SEC24B: variants seen among roughly 807,000 people sequenced by gnomAD.
SEC24B encodes the protein protein transport protein Sec24B.
A neutral mutation model predicts 142.8 loss-of-function variants in SEC24B; 45 were observed. The ratio of observed to expected loss-of-function variants is 0.32; its 90% CI spans 0.25 to 0.40. The LOEUF (loss-of-function observed/expected upper bound fraction) is 0.40, where lower values mean the gene tolerates loss of function less well. Among genes scored for constraint, SEC24B ranks in the 10% least tolerant of loss-of-function variants. The probability of loss-of-function intolerance (pLI) is 1.00; values close to 1 mark genes in which losing one functional copy is unlikely to be tolerated. For missense variants in SEC24B, 1,409 were observed against 1,526.8 expected (o/e 0.92, Z 1.29); for synonymous variants, 574 against 568.2 (o/e 1.01, Z -0.15).
In SEC24B at chr4:109,473,053, G is replaced by C; in HGVS notation, c.927G>C (p.Lys309Asn). ...CPVMQNVQPP[K>N]SSPVVSTVLS... ...TTATGCAAAATGTTCAGCCTCCCAAGTCCAGCCCAGTGGTATCCACTGTTT... is the reference window on the plus strand; with the variant it reads ...TTATGCAAAATGTTCAGCCTCCCAACTCCAGCCCAGTGGTATCCACTGTTT... The change falls in exon 3 of 24, where the codon AAG becomes AAC. Residue 309 changes from lysine (K) to asparagine (N), a missense_variant. Around this residue, in one of 2 missense-constraint regions of SEC24B, gnomAD observed 709 missense variants for 673.5 expected, o/e 1.05. Transcript: ENST00000265175. The C allele has an allele frequency of 6.3e-7, 1 of 1,598,124 alleles. No homozygotes were observed. The highest frequency in any genetic ancestry group is 2.3e-5 in the East Asian group (1 of 43,858).
chr4:109,436,397 A>G (rs1057121945), intron 1 of SEC24B, among the ~76,000 whole-genome samples: 6 of 152,202 alleles, frequency 3.9e-5, no homozygotes, highest in African/African-American at 1.4e-4. Flanking sequence ...TCTCTATGGA[A>G]TTCCAGACAT....
chr4:109,537,151 C>G (rs183712555), intron 22 of SEC24B, among the ~76,000 whole-genome samples: 70 of 151,456 alleles, frequency 4.6e-4, no homozygotes, highest in African/African-American at 1.7e-3. Flanking sequence ...TCATATAAAA[C>G]AATATTTAAC....
chr4:109,493,700 C>T (rs1735242502), intron 5 of SEC24B, among the ~76,000 whole-genome samples: 1 of 151,288 alleles, frequency 6.6e-6, no homozygotes, highest in Non-Finnish European at 1.5e-5. Context: ...GCAATCTCGG[C>T]TCACTGCAGC....
chr4:109,530,885 GACTCCGTCTCAAAA>G (rs1244620043), intron 19 of SEC24B, among the ~76,000 whole-genome samples: 4 of 113,580 alleles, frequency 3.5e-5, no homozygotes, highest in Non-Finnish European at 6.5e-5. Context: ...AACAGAGCGA[GACTCCGTCTCAAAA>G]AAAAAAAAAA....
rs1243431378 is a variant in SEC24B at position 109,521,407 on chromosome 4, T to C, written c.2302-13T>C. On this transcript the variant is annotated splice_polypyrimidine_tract_variant and intron_variant, in intron 13 of 23. Coordinates refer to ENST00000265175, the MANE Select transcript of SEC24B (RefSeq NM_006323.5). ...CTTCTCAGTAATTCAATTTTTGATC[T>C]TTGTTTTCTCAGCTTATAAAAGACT... 1.9e-6 allele frequency: 3 copies of C among 1,605,602 alleles called. No homozygotes were observed. The East Asian group carries it at 6.7e-5, about 36-fold the overall frequency.
At chr4:109,487,049 C>T (rs1306269766) in intron 4 of SEC24B, among the ~76,000 whole-genome samples, 1 of 151,202 alleles carries the variant, frequency 6.6e-6, no homozygotes, top group Non-Finnish European at 1.5e-5. Flanking sequence ...TCTGTAATCC[C>T]AGCTGCTTTG....
At chr4:109,490,344 G>GA (rs1403679322) in intron 4 of SEC24B, among the ~76,000 whole-genome samples, 20 of 152,058 alleles carry the variant, frequency 1.3e-4, no homozygotes, top group Admixed American at 1.0e-3. Flanking sequence ...ATTATTCAAT[G>GA]AAAAATAATT....
intron 3 of SEC24B, among the ~76,000 whole-genome samples, chr4:109,474,690 G>C (rs1162210928): frequency 6.6e-6 from 1 of 152,148 alleles, no homozygotes; most frequent in African/African-American, 2.4e-5. Flanking sequence ...CTCCCAAAGT[G>C]CTGGGATTAC....
At position 109,491,379 on chromosome 4, in the gene SEC24B, T is replaced by C. The variant is rs375578115; in HGVS notation, c.1218T>C (p.Tyr406=). Residue 406 remains tyrosine, a synonymous_variant, in exon 5 of 24, where the codon TAT becomes TAC. Coordinates refer to ENST00000265175, the MANE Select transcript of SEC24B (RefSeq NM_006323.5). ...GTGCTTCTCCAATGCCCAACAGTTA[T>C]GATGCCCTGGAAGGAGGCAGTTACC... is the stretch of plus-strand genomic sequence containing the variant. ...TSSASPMPNS[Y]DALEGGSYPD... 42 of 1,613,670 alleles carry C rather than the reference T, an allele frequency of 2.6e-5. No homozygotes were observed. Among genetic ancestry groups the C allele is most frequent in the Admixed American group, 1.5e-4 (9 of 59,990 alleles).
At chr4:109,459,221 A>G (rs1209181315) in intron 1 of SEC24B, among the ~76,000 whole-genome samples, 2 of 152,210 alleles carry the variant, frequency 1.3e-5, no homozygotes, top group African/African-American at 2.4e-5. Context: ...AATAGGGGGA[A>G]AACACTGAGG....
chr4:109,473,272 A>C, intron 3 of SEC24B, 86 bp downstream of exon 3: 128 of 867,694 alleles, frequency 1.5e-4, no homozygotes, highest in Middle Eastern at 2.8e-4. Context: ...TTATAATCTC[A>C]ATCCAAACAC....
At position 109,524,813 on chromosome 4, in the gene SEC24B, C is replaced by A; in HGVS notation, c.2509-5C>A. ...TAGCTCTTACTATATGATCTGTTGA[C>A]TTAGGTGGTACAACATCTTGGCCCT... On this transcript the variant is annotated splice_region_variant and splice_polypyrimidine_tract_variant and intron_variant, in intron 14 of 23. Transcript: ENST00000265175. 6.2e-7 allele frequency: 1 copy of A among 1,608,266 alleles called. No homozygotes were observed. The highest frequency in any genetic ancestry group is 2.2e-5 in the East Asian group (1 of 44,592).
At chr4:109,475,995 T>A in intron 3 of SEC24B, among the ~76,000 whole-genome samples, 1 of 151,240 alleles carries the variant, frequency 6.6e-6, no homozygotes, top group East Asian at 1.9e-4. Context: ...TCTCTCTTTT[T>A]TTTTTTTTTT....
At chr4:109,530,879 G>A (rs1445896333) in intron 19 of SEC24B, among the ~76,000 whole-genome samples, 2 of 120,318 alleles carry the variant, frequency 1.7e-5, no homozygotes, top group African/African-American at 6.7e-5. Context: ...CTGGGCAACA[G>A]AGCGAGACTC....
At chr4:109,525,279 T>C in intron 15 of SEC24B, 67 bp from the exon 16 acceptor site, 3 of 1,317,404 alleles carry the variant, frequency 2.3e-6, no homozygotes, top group Non-Finnish European at 3.1e-6. Context: ...GTAGAATCTG[T>C]ACTACTGTTG....
At chr4:109,449,523 C>A (rs111835734) in intron 1 of SEC24B, 1 of 455,484 alleles carries the variant, frequency 2.2e-6, no homozygotes, top group Admixed American at 2.4e-5. Flanking sequence ...TGTGCCACTA[C>A]GCCCAGACAT....
chr4:109,475,457 C>T (rs373293200), intron 3 of SEC24B, among the ~76,000 whole-genome samples: 4 of 152,106 alleles, frequency 2.6e-5, no homozygotes, highest in South Asian at 2.1e-4. Flanking sequence ...TCAAAGACAC[C>T]GTTGCTTAGT....
Position 109,516,751 on chromosome 4 carries a change from C to G in SEC24B, c.2126+111C>G, listed in dbSNP as rs116234068. 1.6e-3 allele frequency: 885 copies of G among 556,602 alleles called. 4 individuals carry two copies. Among genetic ancestry groups the G allele is most frequent in the African/African-American group, 0.014 (757 of 52,546 alleles). The allele number at this position is 556,602 out of a possible 1,614,324, so 34.5% of individuals were successfully genotyped here. ...GATTGGGTTTGGTTGTATTTATCAA[C>G]TAAAAAGAGTACTACTTATGTACCA... On this transcript the variant is annotated intron_variant, in intron 11 of 23. Transcript: ENST00000265175.
chr4:109,482,934 T>C (rs1228814474), intron 4 of SEC24B, among the ~76,000 whole-genome samples: 1 of 46,626 alleles, frequency 2.1e-5, no homozygotes, highest in Non-Finnish European at 4.2e-5. Flanking sequence ...GCCAGGCTTG[T>C]ACTATATATA....
Sources: gnomAD v4.1 joint callset for allele counts (sites outside exome capture counted in the v4.1 genomes callset) on GRCh38, gnomAD v4.1.1 for gene constraint, gnomAD v4.1.1 regional missense constraint, MANE v1.5 for transcripts, NCBI Gene and HGNC (gene_info 2026-07-23, HGNC 2026-07-21) for gene names.